TBXAS1: variants seen among roughly 807,000 people sequenced by gnomAD.
TBXAS1 encodes the protein thromboxane-A synthase.
A neutral mutation model predicts 60.7 loss-of-function variants in TBXAS1; 48 were observed. The observed-to-expected ratio is 0.79, with a 90% CI of 0.63 to 1.01. TBXAS1 has a LOEUF of 1.01. TBXAS1 is among the 50% of genes least tolerant of loss of function. The pLI is 0.00. For missense variants in TBXAS1, 685 were observed against 686.3 expected (o/e 1.00, Z 0.02); for synonymous variants, 287 against 269.7 (o/e 1.06, Z -0.63).
At chr7:139,783,810 C>A (rs1797078333) in intron 3 of TBXAS1, among the ~76,000 whole-genome samples, 1 of 152,184 alleles carries the variant, frequency 6.6e-6, no homozygotes, top group Non-Finnish European at 1.5e-5. Context: ...ACTGTCACGG[C>A]AGAGGGCAGT....
At chr7:139,853,529 G>A (rs926504065) in intron 1 of TBXAS1, among the ~76,000 whole-genome samples, 1 of 152,180 alleles carries the variant, frequency 6.6e-6, no homozygotes, top group Non-Finnish European at 1.5e-5. Context: ...CAGAATTTGG[G>A]GAGGAGTAAA....
At chr7:139,875,945 A>T (rs542942977) in intron 3 of TBXAS1, 7 of 441,012 alleles carry the variant, frequency 1.6e-5, no homozygotes, top group African/African-American at 1.4e-4. Flanking sequence ...TTGCCACGGG[A>T]TGTGGTGGCC....
chr7:139,785,240 T>C (rs186713368), intron 3 of TBXAS1, among the ~76,000 whole-genome samples: 87 of 152,222 alleles, frequency 5.7e-4, no homozygotes, highest in Non-Finnish European at 7.1e-4. Flanking sequence ...TAAGCTCTCT[T>C]CTGTTCCCTT....
Position 139,936,304 on chromosome 7 carries a change from C to T in TBXAS1, c.447C>T (p.Asn149=), listed in dbSNP as rs199666672. The change falls in exon 5 of 13, where the codon AAC becomes AAT. Residue 149 remains asparagine, a synonymous_variant. Coordinates refer to ENST00000448866, the MANE Select transcript of TBXAS1 (RefSeq NM_001061.7). ...LMSAFSPEKL[N]EMVPLISQAC... ...CTGCTTTCAGTCCTGAAAAGCTGAA[C>T]GAGGTAAGACATGAGAAATGCAAAC... 5.3e-4 allele frequency: 860 copies of T among 1,613,972 alleles called. 17 individuals are homozygous for T. In the South Asian group the frequency reaches 7.0e-3, roughly 13 times the overall value.
chr7:139,984,780 GAA>G (rs377524020), intron 9 of TBXAS1, among the ~76,000 whole-genome samples: 1 of 83,278 alleles, frequency 1.2e-5, no homozygotes, highest in Non-Finnish European at 2.4e-5. Flanking sequence ...AAGAAAGAAA[GAA>G]AAGAAAGAAA....
At chr7:139,786,058 T>TG (rs1554462910) in intron 3 of TBXAS1, among the ~76,000 whole-genome samples, 26 of 149,914 alleles carry the variant, frequency 1.7e-4, no homozygotes, top group East Asian at 5.9e-4. Context: ...AGGGTTTTTT[T>TG]TTTGTTTGTT....
chr7:139,790,248 G>A (rs1041649717), intron 4 of TBXAS1, among the ~76,000 whole-genome samples: 2 of 152,210 alleles, frequency 1.3e-5, no homozygotes, highest in Admixed American at 1.3e-4. Flanking sequence ...AGTTTAAAAT[G>A]CAAGTAGGGA....
chr7:139,800,580 C>T (rs1399471947), intron 4 of TBXAS1, among the ~76,000 whole-genome samples: 1 of 152,174 alleles, frequency 6.6e-6, no homozygotes, highest in Non-Finnish European at 1.5e-5. Context: ...TTTGTTTCCT[C>T]ATCTTTTTTC....
chr7:139,853,274 G>A (rs1243150595), intron 1 of TBXAS1, among the ~76,000 whole-genome samples: 1 of 97,406 alleles, frequency 1.0e-5, no homozygotes, highest in Non-Finnish European at 1.9e-5. Flanking sequence ...GAACAAACAG[G>A]GGCTTTTCGC....
chr7:139,903,204 C>T (rs1331324566), intron 3 of TBXAS1, among the ~76,000 whole-genome samples: 1 of 152,098 alleles, frequency 6.6e-6, no homozygotes, highest in East Asian at 1.9e-4. Context: ...TGTTTGGTTT[C>T]CCATTCCTGA....
intron 9 of TBXAS1, 55 bp downstream of exon 9, chr7:139,962,288 T>G (rs957320864): frequency 5.6e-6 from 9 of 1,604,966 alleles, no homozygotes; most frequent in Non-Finnish European, 7.7e-6. Flanking sequence ...CAATTGATTT[T>G]GTGTTTGTGG....
chr7:139,901,090 C>A, intron 3 of TBXAS1, among the ~76,000 whole-genome samples: 1 of 152,178 alleles, frequency 6.6e-6, no homozygotes, highest in East Asian at 1.9e-4. Context: ...ATCCCAGACA[C>A]CCAAAACGAA....
At chr7:139,893,272 G>T (rs1803789727) in intron 3 of TBXAS1, among the ~76,000 whole-genome samples, 1 of 149,856 alleles carries the variant, frequency 6.7e-6, no homozygotes, top group African/African-American at 2.5e-5. Flanking sequence ...GGGGAGAGAT[G>T]ATTTTGCCAT....
At chr7:139,905,003 CTCTCTTTCT>C (rs1804887475) in intron 3 of TBXAS1, among the ~76,000 whole-genome samples, 4 of 88,108 alleles carry the variant, frequency 4.5e-5, no homozygotes, top group Admixed American at 3.3e-4. Flanking sequence ...TTCTCTCTTT[CTCTCTTTCT>C]TTCTTTCTTT....
In TBXAS1 at chr7:139,793,699, A is replaced by G. The variant is rs550586662; in HGVS notation, c.-80+6273A>G. On this transcript the variant is annotated intron_variant, in intron 4 of 16. Coordinates refer to the TBXAS1 transcript ENST00000336425. ...GATTTGATTTACAAAAGCAGAGAGGAAAAGGAAACATATTTCATATGAGAT... is the reference window on the plus strand; with the variant it reads ...GATTTGATTTACAAAAGCAGAGAGGGAAAGGAAACATATTTCATATGAGAT... Among the ~76,000 whole-genome samples the G allele has an allele frequency of 2.0e-5, 3 of 152,340 alleles. 1 individual carries two copies. Among genetic ancestry groups the G allele is most frequent in the African/African-American group, 7.2e-5 (3 of 41,578 alleles).
chr7:139,976,149 C>G (rs1480745104), intron 9 of TBXAS1, among the ~76,000 whole-genome samples: 3 of 152,182 alleles, frequency 2.0e-5, no homozygotes, highest in Admixed American at 6.5e-5. Flanking sequence ...CTGATTGCCC[C>G]CGGCCTCCCC....
At chr7:139,861,113 G>A (rs1231389135) in intron 1 of TBXAS1, among the ~76,000 whole-genome samples, 1 of 151,422 alleles carries the variant, frequency 6.6e-6, no homozygotes, top group Non-Finnish European at 1.5e-5. Flanking sequence ...GGCGAAGGTT[G>A]CAGTGAGCTG....
At chr7:139,989,358 C>A (rs577890752) in intron 9 of TBXAS1, among the ~76,000 whole-genome samples, 26 of 152,260 alleles carry the variant, frequency 1.7e-4, no homozygotes, top group Non-Finnish European at 3.1e-4. Context: ...TTCCGTGGGC[C>A]CAGTGCCAGA....
At chr7:139,850,635 T>C (rs553417505) in intron 1 of TBXAS1, among the ~76,000 whole-genome samples, 2 of 152,354 alleles carry the variant, frequency 1.3e-5, no homozygotes, top group African/African-American at 4.8e-5. Flanking sequence ...ATAGGGTCTT[T>C]ACAGCGGTAA....
Sources: gnomAD v4.1 joint callset for allele counts (sites outside exome capture counted in the v4.1 genomes callset) on GRCh38, gnomAD v4.1.1 for gene constraint, MANE v1.5 for transcripts, NCBI Gene and HGNC (gene_info 2026-07-23, HGNC 2026-07-21) for gene names.